Variants in HSPA4L observed in about 807,000 individuals in gnomAD.
HSPA4L encodes the protein heat shock 70 kDa protein 4L.
A neutral mutation model predicts 100.3 loss-of-function variants in HSPA4L; 48 were observed. The ratio of observed to expected loss-of-function variants is 0.48; its 90% confidence interval spans 0.38 to 0.61. The LOEUF is 0.61. HSPA4L is among the 20% of genes least tolerant of loss of function. HSPA4L has a pLI of 0.00. For missense variants in HSPA4L, 886 were observed against 988.6 expected (o/e 0.90, Z 1.39); for synonymous variants, 319 against 328.2 (o/e 0.97, Z 0.30).
intron 9 of HSPA4L, 130 bp downstream of exon 9, chr4:127,805,354 A>G (rs1350571378): frequency 8.9e-6 from 6 of 673,536 alleles, no homozygotes; most frequent in Non-Finnish European, 1.4e-5. Flanking sequence ...GTTATTTCTG[A>G]TAAATAAGTC....
chr4:127,798,445 G>T, intron 3 of HSPA4L, 142 bp from the exon 4 acceptor site: 1 of 725,182 alleles, frequency 1.4e-6, no homozygotes, highest in Non-Finnish European at 2.2e-6. Flanking sequence ...ATTCTAAAAT[G>T]ACAATCTTTC....
rs1732582183 is a variant in HSPA4L at position 127,782,375 on chromosome 4, C to T, written c.-176C>T. On this transcript the variant is annotated 5_prime_UTR_variant, in exon 1 of 19. Transcript: ENST00000296464. ...CGGTGCAGGCTGCGGCGCTGACGGCCTCTGCTCCTTCCGCGGGTTTCCGAC... is the reference window on the plus strand; with the variant it reads ...CGGTGCAGGCTGCGGCGCTGACGGCTTCTGCTCCTTCCGCGGGTTTCCGAC... 1 of 612,002 alleles carries T rather than the reference C, an allele frequency of 1.6e-6. No individual in the cohort carries two copies. Among genetic ancestry groups the T allele is most frequent in the Non-Finnish European group, 3.0e-6 (1 of 337,680 alleles). The allele number at this position is 612,002 out of a possible 1,614,324, so 37.9% of individuals were successfully genotyped here. A position where few individuals can be genotyped will look rare whatever the true frequency, so the allele number is the denominator to read the frequency against.
intron 3 of HSPA4L, among the ~76,000 whole-genome samples, chr4:127,796,856 G>A (rs1320788748): frequency 1.3e-5 from 2 of 152,126 alleles, no homozygotes; most frequent in Non-Finnish European, 2.9e-5. Flanking sequence ...TTCTTTTTGG[G>A]TGATGAAAAT....
chr4:127,802,323 G>T (rs567551196), intron 6 of HSPA4L, among the ~76,000 whole-genome samples: 2 of 152,048 alleles, frequency 1.3e-5, no homozygotes, highest in Non-Finnish European at 2.9e-5. Context: ...CGTTCTAATC[G>T]TAATTTTACT....
intron 13 of HSPA4L, 100 bp from the exon 14 acceptor site, chr4:127,820,328 A>G (rs976265659): frequency 2.7e-5 from 26 of 978,580 alleles, no homozygotes; most frequent in South Asian, 9.6e-5. Context: ...TAAAATAAAT[A>G]TAACAGATCA....
chr4:127,806,280 A>G (rs2148787682), intron 10 of HSPA4L, among the ~76,000 whole-genome samples: 1 of 152,104 alleles, frequency 6.6e-6, no homozygotes, highest in South Asian at 2.1e-4. Flanking sequence ...TATATGTGCC[A>G]TAATAAATTT....
chr4:127,799,068 CAG>C (rs1039317555), intron 4 of HSPA4L, among the ~76,000 whole-genome samples: 2 of 151,938 alleles, frequency 1.3e-5, no homozygotes, highest in Non-Finnish European at 2.9e-5. Flanking sequence ...GGTTGTGTAT[CAG>C]GGGAAAAAAA....
In HSPA4L at chr4:127,836,915, CTT is replaced by C. The variant is rs1734224299; in HGVS notation, c.*4043_*4044del. ...TTCTTAAGTTATTGGTAAAATATAA[CTT>C]TCTCAGTTTTTAAAAGTTTACAAAA... On this transcript the variant is annotated 3_prime_UTR_variant, in exon 19 of 19. Coordinates refer to ENST00000296464, the MANE Select transcript of HSPA4L (RefSeq NM_014278.4). The C allele has an allele frequency of 6.6e-6, 1 of 151,940 alleles. No individual in the cohort carries two copies. Among genetic ancestry groups the C allele is most frequent in the South Asian group, 2.1e-4 (1 of 4,814 alleles). The allele number at this position is 151,940 out of a possible 1,614,324, so 9.4% of individuals were successfully genotyped here. A position where few individuals can be genotyped will look rare whatever the true frequency, so the allele number is the denominator to read the frequency against.
chr4:127,788,599 T>A (rs1396622631), intron 1 of HSPA4L, among the ~76,000 whole-genome samples: 1 of 152,198 alleles, frequency 6.6e-6, no homozygotes, highest in Admixed American at 6.5e-5. Context: ...GAACACTATT[T>A]GGGAAATGTT....
chr4:127,819,502 A>G (rs991313674), intron 13 of HSPA4L, among the ~76,000 whole-genome samples: 2 of 152,198 alleles, frequency 1.3e-5, no homozygotes, highest in Admixed American at 6.5e-5. Context: ...TTATTGAGAT[A>G]TAGTTTACAT....
At chr4:127,794,336 A>T (rs540002345) in intron 2 of HSPA4L, among the ~76,000 whole-genome samples, 5 of 152,130 alleles carry the variant, frequency 3.3e-5, no homozygotes, top group South Asian at 2.1e-4. Context: ...TTTATTTTTT[A>T]AAAATATTTT....
intron 10 of HSPA4L, 28 bp from the exon 11 acceptor site, chr4:127,807,968 C>G: frequency 6.3e-7 from 1 of 1,597,480 alleles, no homozygotes. Flanking sequence ...CTATTTGTTT[C>G]TAAGTGAGTT....
chr4:127,813,174 T>A, intron 12 of HSPA4L: 7 of 1,429,746 alleles, frequency 4.9e-6, no homozygotes, highest in Non-Finnish European at 6.8e-6. Flanking sequence ...ATCGGGTGCC[T>A]CTCCTCTTTC....
chr4:127,839,766 C>T lies in HSPA4L; in HGVS notation c.*6892C>T, dbSNP rs990398357. ...AGCTTTAAAATGTTGTATTTTTTCC[C>T]TGAAATAAACTTTTATGATTTAATG... On this transcript the variant is annotated 3_prime_UTR_variant, in exon 19 of 19. Coordinates refer to ENST00000296464, the MANE Select transcript of HSPA4L (RefSeq NM_014278.4). 1 of 151,472 alleles carries T rather than the reference C, an allele frequency of 6.6e-6. No homozygotes were observed. Among genetic ancestry groups the T allele is most frequent in the Non-Finnish European group, 1.5e-5 (1 of 67,910 alleles). 9.4% of individuals were successfully genotyped at this position (151,472 alleles called of 1,614,324 possible).
At position 127,801,825 on chromosome 4, in the gene HSPA4L, A is replaced by T. The variant is rs1238717220; in HGVS notation, c.570A>T (p.Pro190=). 1.9e-6 allele frequency: 3 copies of T among 1,611,380 alleles called. No individual in the cohort carries two copies. The highest frequency in any genetic ancestry group is 1.7e-5 in the Admixed American group (1 of 59,764). ...AYGIYKQDLP[P]LDEKPRNVVF... is the part of the protein sequence containing the mutation. ...GAATTTATAAACAGGATCTTCCCCCATTAGATGAGAAACCAAGAAATGTAG... is the reference window on the plus strand; with the variant it reads ...GAATTTATAAACAGGATCTTCCCCCTTTAGATGAGAAACCAAGAAATGTAG... The change falls in exon 6 of 19, where the codon CCA becomes CCT. Residue 190 remains proline (P), a synonymous_variant. Coordinates refer to ENST00000296464, the MANE Select transcript of HSPA4L (RefSeq NM_014278.4).
upstream of HSPA4L, chr4:127,781,982 C>G: frequency 2.2e-6 from 1 of 445,924 alleles, no homozygotes; most frequent in South Asian, 1.6e-5. Flanking sequence ...TTCGCAAAGC[C>G]CCGGGCCGGC....
In HSPA4L at chr4:127,801,894, T is replaced by G; in HGVS notation, c.639T>G (p.Cys213Trp). The G allele has an allele frequency of 2.5e-6, 4 of 1,602,392 alleles. No homozygotes were observed. The South Asian group carries it at 4.5e-5, about 18-fold the overall frequency. The change falls in exon 6 of 19, where the codon TGT (cysteine) becomes TGG (tryptophan). Residue 213 changes from cysteine (C) to tryptophan (W), a missense_variant. Coordinates refer to ENST00000296464, the MANE Select transcript of HSPA4L (RefSeq NM_014278.4). ...MGHSAYQVLV[C>W]AFNKGKLKVL... ...ATTCTGCCTATCAGGTCTTGGTTTG[T>G]GCTTTTAACAAAGGAAAACTTAAAG...
intron 3 of HSPA4L, among the ~76,000 whole-genome samples, chr4:127,797,823 G>C (rs546301859): frequency 2.6e-4 from 39 of 152,042 alleles, no homozygotes; most frequent in African/African-American, 8.9e-4. Context: ...GGATGGTCTT[G>C]ATCTCCTGAC....
intron 5 of HSPA4L, among the ~76,000 whole-genome samples, chr4:127,801,449 A>G (rs1400791187): frequency 1.4e-5 from 2 of 147,548 alleles, no homozygotes; most frequent in Admixed American, 6.8e-5. Flanking sequence ...TTTGATATAT[A>G]TAAAAATACG....
Sources: allele counts gnomAD v4.1 joint callset (sites outside exome capture counted in the v4.1 genomes callset), GRCh38; gene constraint gnomAD v4.1.1; transcripts MANE v1.5; gene names NCBI Gene and HGNC (gene_info 2026-07-23, HGNC 2026-07-21).